LTBP1: variants seen among roughly 807,000 people sequenced by gnomAD.
LTBP1 encodes the protein latent-transforming growth factor beta-binding protein 1.
LTBP1 carries 129 observed loss-of-function variants against 207.6 expected under a neutral mutation model. That is an observed-to-expected ratio of 0.62 (90% confidence interval 0.54 to 0.72). LTBP1 has a LOEUF of 0.72. Among genes scored for constraint, LTBP1 ranks in the 30% least tolerant of loss-of-function variants. LTBP1 has a pLI of 0.00. For missense variants in LTBP1, 2,281 were observed against 2,217.2 expected, an observed-to-expected ratio of 1.03 and a Z score of -0.58; for synonymous variants, 963 against 833.7, an observed-to-expected ratio of 1.16 and a Z score of -2.67.
chr2:32,955,565 C>CA (rs1304044756), intron 2 of LTBP1, among the ~76,000 whole-genome samples: 2 of 152,064 alleles, frequency 1.3e-5, no homozygotes, highest in Non-Finnish European at 2.9e-5. Flanking sequence ...GTTGCTGCAT[C>CA]AGTGATTACA....
chr2:33,349,915 C>T (rs905585097), intron 26 of LTBP1, among the ~76,000 whole-genome samples: 4 of 152,126 alleles, frequency 2.6e-5, no homozygotes, highest in African/African-American at 9.7e-5. Context: ...AGTGTGTGGA[C>T]CTCTGCAAGA....
intron 3 of LTBP1, among the ~76,000 whole-genome samples, chr2:33,069,647 T>G (rs1292952112): frequency 6.6e-6 from 1 of 152,258 alleles, no homozygotes; most frequent in African/African-American, 2.4e-5. Context: ...TACAGACATC[T>G]GCATCCAGAC....
intron 32 of LTBP1, among the ~76,000 whole-genome samples, chr2:33,394,126 T>C (rs894742144): frequency 6.6e-6 from 1 of 152,186 alleles, no homozygotes; most frequent in African/African-American, 2.4e-5. Flanking sequence ...TTCTCCCACT[T>C]TTTGATGGGG....
intron 9 of LTBP1, among the ~76,000 whole-genome samples, chr2:33,242,335 T>C (rs2092357033): frequency 6.6e-6 from 1 of 152,226 alleles, no homozygotes. Context: ...GTAAAATCAC[T>C]TCATTTATAT....
chr2:33,385,122 G>A (rs1003065238), intron 31 of LTBP1, among the ~76,000 whole-genome samples: 1 of 152,122 alleles, frequency 6.6e-6, no homozygotes, highest in South Asian at 2.1e-4. Flanking sequence ...ATGTACTATT[G>A]TTCATACTTT....
chr2:33,109,624 G>A (rs2080274925), intron 3 of LTBP1, among the ~76,000 whole-genome samples: 1 of 152,178 alleles, frequency 6.6e-6, no homozygotes, highest in South Asian at 2.1e-4. Context: ...GTTCCCAGAA[G>A]TCTTGACTCG....
At chr2:33,074,173 C>T (rs187796915) in intron 3 of LTBP1, among the ~76,000 whole-genome samples, 3 of 152,292 alleles carry the variant, frequency 2.0e-5, no homozygotes, top group African/African-American at 4.8e-5. Flanking sequence ...GTAGATTTAA[C>T]GTATATGTTG....
At chr2:33,147,113 C>T (rs1258410040) in intron 5 of LTBP1, among the ~76,000 whole-genome samples, 1 of 152,184 alleles carries the variant, frequency 6.6e-6, no homozygotes, top group Non-Finnish European at 1.5e-5. Context: ...CAGAGATTCT[C>T]AGTACTGGTA....
chr2:33,083,838 G>A (rs2078592266), intron 3 of LTBP1, among the ~76,000 whole-genome samples: 1 of 152,172 alleles, frequency 6.6e-6, no homozygotes, highest in African/African-American at 2.4e-5. Context: ...GGTTATTCAC[G>A]AAGGGAACAT....
intron 3 of LTBP1, among the ~76,000 whole-genome samples, chr2:33,077,413 C>T (rs937004864): frequency 3.3e-5 from 5 of 152,198 alleles, no homozygotes; most frequent in Non-Finnish European, 5.9e-5. Flanking sequence ...GCAGGCTGTA[C>T]AGGAAGCACG....
At position 33,134,922 on chromosome 2, in the gene LTBP1, A is replaced by T; in HGVS notation, c.1163A>T (p.His388Leu). ...ACCACTCTCATTAGTGAGAATGGTCATGCTGCCGACACCCTGACGGCCACG... is the reference window on the plus strand; with the variant it reads ...ACCACTCTCATTAGTGAGAATGGTCTTGCTGCCGACACCCTGACGGCCACG... ...NTTTLISENGHAADTLTATNF... is the reference protein window; with the variant it reads ...NTTTLISENGLAADTLTATNF... Residue 388 changes from histidine (H) to leucine (L), a missense_variant, in exon 5 of 34, where the codon CAT becomes CTT. Physicochemically the swap from His to Leu is moderately conservative, Grantham distance 99. Around this residue, in one of 3 missense-constraint regions of LTBP1, gnomAD observed 55 missense variants for 91.5 expected, o/e 0.60. Transcript: ENST00000404816. The surrounding 1 kb of genome is among the most constrained non-coding windows in gnomAD (Gnocchi z 4.4). The T allele has an allele frequency of 6.2e-7, 1 of 1,613,828 alleles. No individual in the cohort carries two copies.
At chr2:33,219,863 T>A (rs1056174894) in intron 8 of LTBP1, among the ~76,000 whole-genome samples, 8 of 152,216 alleles carry the variant, frequency 5.3e-5, no homozygotes, top group Middle Eastern at 3.2e-3. Flanking sequence ...CCTTTTATTT[T>A]TTTTTTAATC....
At chr2:33,374,244 A>G (rs1261583698) in intron 31 of LTBP1, among the ~76,000 whole-genome samples, 3 of 152,196 alleles carry the variant, frequency 2.0e-5, no homozygotes, top group African/African-American at 7.2e-5. Flanking sequence ...TACTTGTGAA[A>G]CAATGAGTGG....
At chr2:33,389,801 G>A (rs112662301) in intron 32 of LTBP1, among the ~76,000 whole-genome samples, 25,717 of 151,940 alleles carry the variant, frequency 0.17, 3,274 homozygotes, top group African/African-American at 0.35. Context: ...CACCATGCCC[G>A]GCTAAATTTT....
chr2:33,347,511 G>A lies in LTBP1; in HGVS notation c.4000+1G>A. The A allele has an allele frequency of 1.9e-6, 3 of 1,614,054 alleles. No homozygotes were observed. Among genetic ancestry groups the A allele is most frequent in the Non-Finnish European group, 8.5e-7 (1 of 1,180,024 alleles). ...CAGTGCCGCTCCCGGACCTCCACAG[G>A]TAAGTCCCAGTGACACTGTGCAAGG... On this transcript the variant is annotated splice_donor_variant, in intron 26 of 33. Coordinates refer to ENST00000404816, the MANE Select transcript of LTBP1 (RefSeq NM_206943.4). LOFTEE classifies it high-confidence loss of function.
At chr2:33,222,233 T>C in intron 9 of LTBP1, 82 bp downstream of exon 9, 1 of 963,312 alleles carries the variant, frequency 1.0e-6, no homozygotes, top group Non-Finnish European at 1.7e-6. Flanking sequence ...CACGGCTTGC[T>C]CATTCGCCCA....
chr2:33,113,186 TA>T (rs2150292904), intron 4 of LTBP1, among the ~76,000 whole-genome samples: 1 of 152,174 alleles, frequency 6.6e-6, no homozygotes, highest in East Asian at 1.9e-4. Flanking sequence ...TAAAAGTGAT[TA>T]AAAAGGGGGT....
intron 31 of LTBP1, among the ~76,000 whole-genome samples, chr2:33,379,997 A>T (rs2150370003): frequency 6.6e-6 from 1 of 152,380 alleles, no homozygotes; most frequent in South Asian, 2.1e-4. Flanking sequence ...ATAATTTAAT[A>T]GCTTATTACT....
rs553678412 is a variant in LTBP1 at position 33,372,873 on chromosome 2, A to T, written c.4711+7370A>T. On this transcript the variant is annotated intron_variant, in intron 31 of 33. Coordinates refer to ENST00000404816, the MANE Select transcript of LTBP1 (RefSeq NM_206943.4). ...AGCAAGACTTCATCTGAAAAAAGAT[A>T]ACATAAGCTTAAATGTTCTGGAAAA... Among the ~76,000 whole-genome samples the T allele has an allele frequency of 3.9e-5, 6 of 152,326 alleles. No homozygotes were observed. The South Asian group carries it at 1.2e-3, about 32-fold the overall frequency.
Sources: allele counts gnomAD v4.1 joint callset (sites outside exome capture counted in the v4.1 genomes callset), GRCh38; gene constraint gnomAD v4.1.1; regional missense constraint gnomAD v4.1.1; non-coding constraint Gnocchi (gnomAD v3.1); transcripts MANE v1.5; gene names NCBI Gene and HGNC (gene_info 2026-07-23, HGNC 2026-07-21).